Variants in TLDC2 observed in about 807,000 individuals in gnomAD.
The protein encoded by TLDC2 is TLD domain-containing protein 2.
TLDC2 carries 23 observed loss-of-function variants against 27.9 expected under a neutral mutation model. That is an observed-to-expected ratio of 0.82 (90% confidence interval 0.59 to 1.17). The LOEUF (loss-of-function observed/expected upper bound fraction) is 1.17, where lower values mean the gene tolerates loss of function less well. Ranked by LOEUF, TLDC2 falls within the 50% of genes most tolerant of loss-of-function variation. TLDC2 has a pLI of 0.00. For missense variants in TLDC2, 286 were observed against 273.4 expected, an observed-to-expected ratio of 1.05 and a Z score of -0.32; for synonymous variants, 124 against 107.4, an observed-to-expected ratio of 1.16 and a Z score of -0.96.
Position 36,893,408 on chromosome 20 carries a change from C to T in TLDC2, c.*564C>T. The T allele has an allele frequency of 2.6e-6, 1 of 384,454 alleles. No individual in the cohort carries two copies. Among genetic ancestry groups the T allele is most frequent in the South Asian group, 3.0e-5 (1 of 33,824 alleles). The allele number at this position is 384,454 out of a possible 1,614,324, so 23.8% of individuals were successfully genotyped here. A position where few individuals can be genotyped will look rare whatever the true frequency, so the allele number is the denominator to read the frequency against. Reference sequence around the variant, plus strand: ...CAGGAGAAAGACGGGATGCACTGAACCCCTAGCTTCTCTCTCGCCTGGTCC... The same window carrying T: ...CAGGAGAAAGACGGGATGCACTGAATCCCTAGCTTCTCTCTCGCCTGGTCC... On this transcript the variant is annotated 3_prime_UTR_variant, in exon 7 of 7. Transcript: ENST00000217320.
chr20:36,878,704 T>C (rs1989731086), intron 2 of TLDC2, among the ~76,000 whole-genome samples: 1 of 151,920 alleles, frequency 6.6e-6, no homozygotes, highest in Admixed American at 6.6e-5. Context: ...ATCTTTCCTA[T>C]TCTCTAGCCT....
At position 36,885,201 on chromosome 20, in the gene TLDC2, C is replaced by T. The variant is rs565109803; in HGVS notation, c.439-2254C>T. On this transcript the variant is annotated intron_variant, in intron 4 of 6. Coordinates refer to ENST00000217320, the MANE Select transcript of TLDC2 (RefSeq NM_080628.3). ...CAGAGAACTTCTTTTACTTTGTTAT[C>T]TGCCTTCTCCCACTAGAAAGTCAGT... Among the ~76,000 whole-genome samples, 14 of 152,212 alleles carry T rather than the reference C, an allele frequency of 9.2e-5. No homozygotes were observed. The South Asian group carries it at 2.7e-3, about 29-fold the overall frequency.
At chr20:36,881,980 C>A (rs568077322) in intron 4 of TLDC2, among the ~76,000 whole-genome samples, 1 of 152,128 alleles carries the variant, frequency 6.6e-6, no homozygotes, top group African/African-American at 2.4e-5. Flanking sequence ...AGGGCCTGGA[C>A]GAGTCCACGT....
chr20:36,878,305 G>A (rs1053869707), intron 2 of TLDC2, among the ~76,000 whole-genome samples: 5 of 152,338 alleles, frequency 3.3e-5, no homozygotes, highest in East Asian at 3.9e-4. Flanking sequence ...GCTAGGACGG[G>A]CGCGGTGGCT....
At position 36,893,157 on chromosome 20, in the gene TLDC2, C is replaced by T; in HGVS notation, c.*313C>T. ...TGAAAGTCTCAAGTGCGCACATCCT[C>T]ATCTTGCATATAGATTGCTTCTAGC... On this transcript the variant is annotated 3_prime_UTR_variant, in exon 7 of 7. Transcript: ENST00000217320. The T allele has an allele frequency of 1.3e-6, 2 of 1,487,700 alleles. No homozygotes were observed. The highest frequency in any genetic ancestry group is 1.1e-5 in the South Asian group (1 of 87,770). The allele number at this position is 1,487,700 out of a possible 1,614,324, so 92.2% of individuals were successfully genotyped here.
chr20:36,880,837 C>A, intron 4 of TLDC2, 87 bp downstream of exon 4: 1 of 1,198,084 alleles, frequency 8.3e-7, no homozygotes, highest in Non-Finnish European at 1.2e-6. Flanking sequence ...CTCCATCCTC[C>A]ACGATGGGCT....
chr20:36,880,755 T>C lies in TLDC2; in HGVS notation c.438+5T>C. 6.2e-7 allele frequency: 1 copy of C among 1,613,358 alleles called. No individual in the cohort carries two copies. The highest frequency in any genetic ancestry group is 8.5e-7 in the Non-Finnish European group (1 of 1,179,294). On this transcript the variant is annotated splice_donor_5th_base_variant and intron_variant, in intron 4 of 6. Coordinates refer to ENST00000217320, the MANE Select transcript of TLDC2 (RefSeq NM_080628.3). The stretch of plus-strand genomic sequence containing the variant: ...TCCTTCTCCCCACAGCTGAAGGTGA[T>C]GTTCCCAACCTTCCATGGGGGGAGT...
intron 5 of TLDC2, 42 bp from the exon 6 acceptor site, chr20:36,889,209 A>C: frequency 6.2e-7 from 1 of 1,605,212 alleles, no homozygotes. Context: ...GGGTTTCAGC[A>C]CACAGGAGTG....
intron 6 of TLDC2, chr20:36,892,588 T>G (rs1175664415): frequency 3.1e-6 from 1 of 320,462 alleles, no homozygotes; most frequent in Non-Finnish European, 6.0e-6. Flanking sequence ...CCCAGGAAAG[T>G]TCGAGTCCAA....
At chr20:36,888,757 A>C (rs1426487176) in intron 5 of TLDC2, among the ~76,000 whole-genome samples, 2 of 141,842 alleles carry the variant, frequency 1.4e-5, no homozygotes, top group African/African-American at 2.6e-5. Context: ...GCAGTGGCTC[A>C]CACCTGTAAT....
At chr20:36,890,558 GGATTCAAGC>G in intron 6 of TLDC2, 1 of 151,866 alleles carries the variant, frequency 6.6e-6, no homozygotes, top group South Asian at 2.1e-4. Context: ...TCTGCCTCCC[GGATTCAAGC>G]GATTCTCCTG....
rs543100668 is a variant in TLDC2 at position 36,879,342 on chromosome 20, C to T, written c.342+149C>T. 5 of 1,065,590 alleles carry T rather than the reference C, an allele frequency of 4.7e-6. No homozygotes were observed. In the African/African-American group the frequency reaches 6.4e-5, roughly 14 times the overall value. 66.0% of individuals were successfully genotyped at this position (1,065,590 alleles called of 1,614,324 possible). A position where few individuals can be genotyped will look rare whatever the true frequency, so the allele number is the denominator to read the frequency against. Reference sequence around the variant, plus strand: ...ACTGATGATGGCAATGAGACCTGCCCACTCAGAGCCATTCCCCCATTTATG... The same window carrying T: ...ACTGATGATGGCAATGAGACCTGCCTACTCAGAGCCATTCCCCCATTTATG... On this transcript the variant is annotated intron_variant, in intron 3 of 6. Transcript: ENST00000217320.
chr20:36,878,217 C>T (rs1989719233), intron 2 of TLDC2, among the ~76,000 whole-genome samples, 163 bp downstream of exon 2: 1 of 152,176 alleles, frequency 6.6e-6, no homozygotes. Flanking sequence ...GCTTTGCTTT[C>T]CCTTCTTGTA....
chr20:36,888,704 C>CAA (rs35828858), intron 5 of TLDC2, among the ~76,000 whole-genome samples: 19,037 of 62,646 alleles, frequency 0.3, 2,977 homozygotes, highest in South Asian at 0.46. Context: ...AGACTCCTAT[C>CAA]AAAAAAAAAA....
Position 36,877,945 on chromosome 20 carries a change from A to C in TLDC2, c.80A>C (p.Glu27Ala). The change falls in exon 2 of 7, where the codon GAG becomes GCG. Residue 27 changes from glutamate to alanine, a missense_variant. Transcript: ENST00000217320. The stretch of plus-strand genomic sequence containing the variant: ...CTGTCTGGGGAGGAGGGTAACGAAG[A>C]GGAAGAGGAGGAGGAGGCAGCTCCA... Reference protein sequence around the residue: ...DTLSGEEGNEEEEEEEAAPDP... With the variant: ...DTLSGEEGNEAEEEEEAAPDP... The C allele has an allele frequency of 6.2e-7, 1 of 1,613,996 alleles. No homozygotes were observed. Among genetic ancestry groups the C allele is most frequent in the South Asian group, 1.1e-5 (1 of 91,076 alleles).
At position 36,887,466 on chromosome 20, in the gene TLDC2, G is replaced by A; in HGVS notation, c.450G>A (p.Trp150Ter). ...TATGTATCACCCAGGTCTTTAAGTGGACTGGAAGCAACTCTTTCTTTGTGA... is the reference window on the plus strand; with the variant it reads ...TATGTATCACCCAGGTCTTTAAGTGAACTGGAAGCAACTCTTTCTTTGTGA... ...SFSPQLKVFK[W>*]TGSNSFFVKG... Residue 150 changes from tryptophan (W) to a stop codon, truncating the protein, a stop_gained, in exon 5 of 7, where the codon TGG (tryptophan) becomes TGA (stop). Coordinates refer to ENST00000217320, the MANE Select transcript of TLDC2 (RefSeq NM_080628.3). LOFTEE classifies it high-confidence loss of function. The A allele has an allele frequency of 6.2e-7, 1 of 1,614,086 alleles. No individual in the cohort carries two copies. Among genetic ancestry groups the A allele is most frequent in the Non-Finnish European group, 8.5e-7 (1 of 1,179,960 alleles).
At chr20:36,880,528 C>CCCAGCTCTGT (rs1989790228) in intron 3 of TLDC2, 127 bp from the exon 4 acceptor site, 1 of 694,072 alleles carries the variant, frequency 1.4e-6, no homozygotes, top group Admixed American at 2.6e-5. Context: ...AGCCCCCATG[C>CCCAGCTCTGT]CCCAGCTCTG....
At chr20:36,876,321 C>G in intron 1 of TLDC2, 114 bp downstream of exon 1, 1 of 1,384,388 alleles carries the variant, frequency 7.2e-7, no homozygotes, top group Non-Finnish European at 1.0e-6. Flanking sequence ...GTTCCCCTCT[C>G]AAGTCCCTCC....
Position 36,879,194 on chromosome 20 carries a change from G to C in TLDC2, c.342+1G>C. 1 of 1,611,662 alleles carries C rather than the reference G, an allele frequency of 6.2e-7. No individual in the cohort carries two copies. Among genetic ancestry groups the C allele is most frequent in the South Asian group, 1.1e-5 (1 of 91,026 alleles). ...GGTGCTCAGGGACCAGGACGGGCAGGTGAGCTGGGCAGGGGCACCACCCGA... is the reference window on the plus strand; with the variant it reads ...GGTGCTCAGGGACCAGGACGGGCAGCTGAGCTGGGCAGGGGCACCACCCGA... On this transcript the variant is annotated splice_donor_variant, in intron 3 of 6. Transcript: ENST00000217320. LOFTEE classifies it high-confidence loss of function.
Sources: allele counts gnomAD v4.1 joint callset (sites outside exome capture counted in the v4.1 genomes callset), GRCh38; gene constraint gnomAD v4.1.1; transcripts MANE v1.5; gene names NCBI Gene and HGNC (gene_info 2026-07-23, HGNC 2026-07-21).